The following EXOC6B variants were observed in gnomAD, a reference collection of about 807,000 sequenced individuals.
EXOC6B encodes the protein SEC15 homolog B.
A neutral mutation model predicts 113.5 loss-of-function variants in EXOC6B; 54 were observed. The observed-to-expected ratio is 0.48, with a 90% CI of 0.38 to 0.60. The LOEUF is 0.60. Among genes scored for constraint, EXOC6B ranks in the 20% least tolerant of loss-of-function variants. EXOC6B has a pLI of 0.00. For missense variants in EXOC6B, 797 were observed against 977.5 expected, an observed-to-expected ratio of 0.82 and a Z score of 2.46; for synonymous variants, 357 against 339.0, an observed-to-expected ratio of 1.05 and a Z score of -0.58.
At chr2:72,447,255 G>C (rs918403853) in intron 18 of EXOC6B, among the ~76,000 whole-genome samples, 9 of 152,076 alleles carry the variant, frequency 5.9e-5, no homozygotes, top group African/African-American at 2.2e-4. Flanking sequence ...CTCTGAGCTA[G>C]TTACTTGAGG....
At chr2:72,237,879 G>C (rs995241748) in intron 20 of EXOC6B, among the ~76,000 whole-genome samples, 4 of 152,066 alleles carry the variant, frequency 2.6e-5, no homozygotes, top group African/African-American at 7.2e-5. Flanking sequence ...TTTGGACTTA[G>C]GGAAGCATTT....
At chr2:72,634,486 A>G (rs1327910267) in intron 6 of EXOC6B, among the ~76,000 whole-genome samples, 1 of 152,168 alleles carries the variant, frequency 6.6e-6, no homozygotes, top group Non-Finnish European at 1.5e-5. Context: ...GGTGTCAGAA[A>G]GGGCAGAGTG....
intron 19 of EXOC6B, among the ~76,000 whole-genome samples, chr2:72,345,513 T>C (rs1419441039): frequency 6.6e-6 from 1 of 152,122 alleles, no homozygotes; most frequent in Non-Finnish European, 1.5e-5. Flanking sequence ...AGAAATGGGC[T>C]ATCAAGCTAT....
At chr2:72,796,605 T>G (rs373598418) in intron 1 of EXOC6B, among the ~76,000 whole-genome samples, 1 of 152,314 alleles carries the variant, frequency 6.6e-6, no homozygotes, top group African/African-American at 2.4e-5. Flanking sequence ...AATTCATTTT[T>G]TAACAAATGA....
intron 6 of EXOC6B, among the ~76,000 whole-genome samples, chr2:72,669,749 AT>A (rs1056862597): frequency 1.3e-5 from 2 of 152,222 alleles, no homozygotes; most frequent in African/African-American, 4.8e-5. Context: ...AATAATTAGT[AT>A]GGTAGCCAGG....
intron 6 of EXOC6B, among the ~76,000 whole-genome samples, chr2:72,671,282 C>A (rs527692141): frequency 1.1e-4 from 17 of 152,246 alleles, no homozygotes; most frequent in African/African-American, 3.6e-4. Flanking sequence ...GGACTAATAA[C>A]CAGAACATAT....
rs76477185 is a variant in EXOC6B at position 72,185,590 on chromosome 2, C to G, written c.2197-1403G>C. Among the ~76,000 whole-genome samples, 302 of 152,304 alleles carry G rather than the reference C, an allele frequency of 2.0e-3. 2 individuals are homozygous for G. Among genetic ancestry groups the G allele is most frequent in the African/African-American group, 7.0e-3 (291 of 41,562 alleles). ...TGGTCTGGGCCAGGATGGTCCCAAA[C>G]GGCCCCTCAGGCCATTTTCAGGTCA... On this transcript the variant is annotated intron_variant, in intron 20 of 21. Coordinates refer to ENST00000272427, the MANE Select transcript of EXOC6B (RefSeq NM_015189.3).
chr2:72,651,114 C>T (rs560254632), intron 6 of EXOC6B, among the ~76,000 whole-genome samples: 1 of 152,280 alleles, frequency 6.6e-6, no homozygotes, highest in South Asian at 2.1e-4. Flanking sequence ...ACTATGGACC[C>T]GCAATTACAT....
intron 18 of EXOC6B, among the ~76,000 whole-genome samples, chr2:72,444,015 C>T (rs1187510332): frequency 6.6e-6 from 1 of 152,170 alleles, no homozygotes; most frequent in Non-Finnish European, 1.5e-5. Flanking sequence ...AGTCCAAAGT[C>T]TCAATTGAGA....
chr2:72,304,645 C>T (rs1462828515), intron 20 of EXOC6B, among the ~76,000 whole-genome samples: 1 of 152,134 alleles, frequency 6.6e-6, no homozygotes, highest in Admixed American at 6.6e-5. Flanking sequence ...GTAAACTTTG[C>T]ACAGCAGAAA....
intron 6 of EXOC6B, among the ~76,000 whole-genome samples, chr2:72,696,460 A>T (rs962260790): frequency 1.3e-5 from 2 of 152,190 alleles, no homozygotes; most frequent in African/African-American, 4.8e-5. Flanking sequence ...GTGCCTTTGC[A>T]ATGTGACACT....
At chr2:72,270,768 TTAAA>T (rs1484555689) in intron 20 of EXOC6B, among the ~76,000 whole-genome samples, 2 of 151,996 alleles carry the variant, frequency 1.3e-5, no homozygotes, top group African/African-American at 4.8e-5. Context: ...AATTTAATAA[TTAAA>T]TAATAATTTA....
intron 20 of EXOC6B, among the ~76,000 whole-genome samples, chr2:72,205,948 T>G (rs1330605716): frequency 2.6e-5 from 4 of 152,196 alleles, no homozygotes; most frequent in Admixed American, 2.6e-4. Flanking sequence ...TGTTCAAAAC[T>G]CTGGCCTGGA....
rs1671850578 is a variant in EXOC6B at position 72,623,174 on chromosome 2, AT to A, written c.670-47507del. On this transcript the variant is annotated intron_variant, in intron 6 of 21. Coordinates refer to ENST00000272427, the MANE Select transcript of EXOC6B (RefSeq NM_015189.3). ...GAAAAGTTTATATAGAAATAAAAAA[AT>A]CCATTAAAAAAATTATCCTGAGTAT... 3.3e-5 allele frequency among the ~76,000 whole-genome samples: 5 copies of A among 152,296 alleles called. No homozygotes were observed. In the South Asian group the frequency reaches 1.0e-3, roughly 32 times the overall value.
intron 1 of EXOC6B, among the ~76,000 whole-genome samples, chr2:72,812,373 A>T (rs1291520750): frequency 6.6e-6 from 1 of 152,272 alleles, no homozygotes; most frequent in East Asian, 1.9e-4. Context: ...GAAAGAAAGC[A>T]AAACAGATCT....
intron 1 of EXOC6B, among the ~76,000 whole-genome samples, chr2:72,814,739 C>G (rs541374823): frequency 6.6e-6 from 1 of 152,318 alleles, no homozygotes; most frequent in South Asian, 2.1e-4. Flanking sequence ...CGCCTGTAAT[C>G]CCAGCACTTT....
chr2:72,427,688 T>A (rs1481398858), intron 18 of EXOC6B, among the ~76,000 whole-genome samples: 1 of 152,040 alleles, frequency 6.6e-6, no homozygotes, highest in Non-Finnish European at 1.5e-5. Context: ...CTGGGTGCCA[T>A]GGTCGGCAGC....
At chr2:72,721,437 A>AG (rs1392058927) in intron 5 of EXOC6B, among the ~76,000 whole-genome samples, 1 of 151,116 alleles carries the variant, frequency 6.6e-6, no homozygotes, top group Non-Finnish European at 1.5e-5. Flanking sequence ...ACATATGAAA[A>AG]AAAAAAAAAA....
chr2:72,489,593 A>C (rs1699627275), intron 16 of EXOC6B, among the ~76,000 whole-genome samples: 1 of 152,148 alleles, frequency 6.6e-6, no homozygotes, highest in African/African-American at 2.4e-5. Context: ...CATTATCCCC[A>C]TTTTACATAG....
Sources: allele counts gnomAD v4.1 joint callset (sites outside exome capture counted in the v4.1 genomes callset), GRCh38; gene constraint gnomAD v4.1.1; transcripts MANE v1.5; gene names NCBI Gene and HGNC (gene_info 2026-07-23, HGNC 2026-07-21).